Variants in ABCA3 observed in about 807,000 individuals in gnomAD.
The protein encoded by ABCA3 is ATP binding cassette subfamily A member 3.
ABCA3 carries 88 observed loss-of-function variants against 172.8 expected under a neutral mutation model. The observed-to-expected ratio is 0.51, with a 90% confidence interval of 0.43 to 0.61. ABCA3 has a LOEUF of 0.61. ABCA3 is among the 20% of genes least tolerant of loss of function. The pLI, the probability that ABCA3 is intolerant of heterozygous loss-of-function variation, is 0.00. For missense variants in ABCA3, 2,164 were observed against 2,301.0 expected (o/e 0.94, Z 1.22); for synonymous variants, 1,066 against 983.8 (o/e 1.08, Z -1.56).
intron 3 of ABCA3, among the ~76,000 whole-genome samples, chr16:2,327,714 CT>C (rs1284721837): frequency 5.9e-5 from 9 of 152,046 alleles, no homozygotes; most frequent in African/African-American, 2.2e-4. Flanking sequence ...TAGCCATTTT[CT>C]TTTTCTTTTT....
At position 2,279,409 on chromosome 16, in the gene ABCA3, G is replaced by A. The variant is rs1015315868; in HGVS notation, c.4360-279C>T. 2.0e-5 allele frequency among the ~76,000 whole-genome samples: 3 copies of A among 152,224 alleles called. No individual in the cohort carries two copies. Among genetic ancestry groups the A allele is most frequent in the African/African-American group, 7.2e-5 (3 of 41,462 alleles). ...AGGACAGGCAGCCATGGGGTTAGGT[G>A]GTGCAAGAATGGCCTTTACGTAGAA... On this transcript the variant is annotated intron_variant, in intron 28 of 32. Coordinates refer to ENST00000301732, the MANE Select transcript of ABCA3 (RefSeq NM_001089.3). The surrounding 1 kb of genome is among the most constrained non-coding windows in gnomAD (Gnocchi z 4.4).
In ABCA3 at chr16:2,310,400, C is replaced by A. The variant is rs528897331; in HGVS notation, c.1112-1777G>T. 1.1e-4 allele frequency among the ~76,000 whole-genome samples: 17 copies of A among 150,856 alleles called. No individual in the cohort carries two copies. The South Asian group carries it at 1.2e-3, about 11-fold the overall frequency. ...TCCATCCTAGCGACAGAGTGAGACT[C>A]TGTCTCAAAACAAACAAACAAACAA... On this transcript the variant is annotated intron_variant, in intron 10 of 32. Transcript: ENST00000301732.
In ABCA3 at chr16:2,281,789, A is replaced by C. The variant is rs1172685037; in HGVS notation, c.4036-280T>G. ...ATCATAAATCTGCTGGGGAATATAAAATAAGATTTTTAGACAATTTTTTTT... is the reference window on the plus strand; with the variant it reads ...ATCATAAATCTGCTGGGGAATATAACATAAGATTTTTAGACAATTTTTTTT... On this transcript the variant is annotated intron_variant, in intron 26 of 32. Transcript: ENST00000301732. The surrounding 1 kb of genome is among the most constrained non-coding windows in gnomAD (Gnocchi z 4.7). Among the ~76,000 whole-genome samples the C allele has an allele frequency of 6.6e-6, 1 of 152,132 alleles. No homozygotes were observed. Among genetic ancestry groups the C allele is most frequent in the Admixed American group, 6.5e-5 (1 of 15,274 alleles).
At chr16:2,338,165 C>G (rs139211485) in intron 1 of ABCA3, among the ~76,000 whole-genome samples, 2 of 152,168 alleles carry the variant, frequency 1.3e-5, no homozygotes, top group African/African-American at 4.8e-5. Context: ...GCAAGGACCT[C>G]GTTACACGGC....
rs2093662227 is a variant in ABCA3, at chr16:2,285,795, A to C, written c.3279-149T>G. 2 of 773,890 alleles carry C rather than the reference A, an allele frequency of 2.6e-6. No individual in the cohort carries two copies. The highest frequency in any genetic ancestry group is 4.4e-6 in the Non-Finnish European group (2 of 456,854). The allele number at this position is 773,890 out of a possible 1,614,324, so 47.9% of individuals were successfully genotyped here. A position where few individuals can be genotyped will look rare whatever the true frequency, so the allele number is the denominator to read the frequency against. ...GGGAGAGCACAAGCACCATGGTTCC[A>C]TACCGGGAACATCTGCCCCCACCGG... On this transcript the variant is annotated intron_variant, in intron 22 of 32. Coordinates refer to ENST00000301732, the MANE Select transcript of ABCA3 (RefSeq NM_001089.3). The surrounding 1 kb of genome is among the most constrained non-coding windows in gnomAD (Gnocchi z 4.7).
At chr16:2,336,205 T>C (rs374439086) in intron 1 of ABCA3, among the ~76,000 whole-genome samples, 1 of 152,176 alleles carries the variant, frequency 6.6e-6, no homozygotes, top group Non-Finnish European at 1.5e-5. Context: ...GTACTGTCTA[T>C]ATGAACATTT....
chr16:2,291,666 A>G (rs893397308), intron 19 of ABCA3, among the ~76,000 whole-genome samples: 7 of 152,164 alleles, frequency 4.6e-5, no homozygotes, highest in Non-Finnish European at 1.0e-4. Context: ...GACAGTCACA[A>G]TCTGCACTTG....
At chr16:2,338,284 T>C (rs1596875136) in intron 1 of ABCA3, among the ~76,000 whole-genome samples, 1 of 152,234 alleles carries the variant, frequency 6.6e-6, no homozygotes, top group African/African-American at 2.4e-5. Context: ...GGACAGGGCC[T>C]GACATGCCTC....
chr16:2,299,890 G>T, intron 13 of ABCA3, 115 bp downstream of exon 13: 1 of 1,482,464 alleles, frequency 6.7e-7, no homozygotes, highest in Non-Finnish European at 9.3e-7. Context: ...CAGGGCAGGA[G>T]GGAGCAAGGC....
At chr16:2,324,774 C>G (rs1395195129) in intron 5 of ABCA3, among the ~76,000 whole-genome samples, 2 of 152,150 alleles carry the variant, frequency 1.3e-5, no homozygotes, top group African/African-American at 4.8e-5. Context: ...TGGAGCAGAG[C>G]TGGAGGCTCC....
chr16:2,314,280 C>A (rs1406840348), intron 10 of ABCA3, among the ~76,000 whole-genome samples: 2 of 152,162 alleles, frequency 1.3e-5, no homozygotes, highest in African/African-American at 4.8e-5. Context: ...TATGGAATAT[C>A]ATCTAGCCTT....
Position 2,297,754 on chromosome 16 carries a change from C to T in ABCA3, c.2052+12G>A, listed in dbSNP as rs778094511. 3 of 1,609,578 alleles carry T rather than the reference C, an allele frequency of 1.9e-6. No homozygotes were observed. Among genetic ancestry groups the T allele is most frequent in the African/African-American group, 2.7e-5 (2 of 74,910 alleles). On this transcript the variant is annotated intron_variant, in intron 16 of 32. Coordinates refer to ENST00000301732, the MANE Select transcript of ABCA3 (RefSeq NM_001089.3). This position sits in a 1 kb window ranked among gnomAD's most constrained non-coding sequence, Gnocchi z 5.6. ...GGAGGGGAACCCACTGCCTCCAGTCCCACCGCCACACCTTGGAGCCTGCGA... is the reference window on the plus strand; with the variant it reads ...GGAGGGGAACCCACTGCCTCCAGTCTCACCGCCACACCTTGGAGCCTGCGA...
chr16:2,308,480 C>A lies in ABCA3; in HGVS notation c.1255G>T (p.Ala419Ser). The change falls in exon 11 of 33, where the codon GCC becomes TCC. Residue 419 changes from alanine (A) to serine (S), a missense_variant. Physicochemically the swap from Ala to Ser is moderately conservative, Grantham distance 99. Coordinates refer to ENST00000301732, the MANE Select transcript of ABCA3 (RefSeq NM_001089.3). ...GCCTCAAATTTCCCAATGAGCTGGG[C>A]TCCCATTGCCATGGCGACATTAGAC... ...LLSNVAMAMG[A>S]QLIGKFEAKG... 1.2e-6 allele frequency: 2 copies of A among 1,614,240 alleles called. No individual in the cohort carries two copies. The highest frequency in any genetic ancestry group is 1.7e-6 in the Non-Finnish European group (2 of 1,180,040).
Position 2,324,535 on chromosome 16 carries a change from C to A in ABCA3, c.320-4G>T, listed in dbSNP as rs775339831. ...TTCTCGGAGGGAAAGCCGCGCACTG[C>A]AAAGAGAGAGCACGGGAGCTGTGGT... On this transcript the variant is annotated splice_region_variant and splice_polypyrimidine_tract_variant and intron_variant, in intron 5 of 32. Transcript: ENST00000301732. The A allele has an allele frequency of 1.2e-6, 2 of 1,608,900 alleles. No homozygotes were observed. Among genetic ancestry groups the A allele is most frequent in the Non-Finnish European group, 8.5e-7 (1 of 1,179,906 alleles).
intron 11 of ABCA3, among the ~76,000 whole-genome samples, chr16:2,304,745 G>A (rs373855240): frequency 1.5e-4 from 22 of 149,908 alleles, no homozygotes; most frequent in Non-Finnish European, 2.5e-4. Flanking sequence ...GCACGATCTC[G>A]GCTCACTGCA....
intron 7 of ABCA3, among the ~76,000 whole-genome samples, chr16:2,323,144 G>A (rs1302188671): frequency 6.6e-6 from 1 of 152,208 alleles, no homozygotes; most frequent in African/African-American, 2.4e-5. Flanking sequence ...TCATTCAAAA[G>A]TCAGGAAACA....
At position 2,279,847 on chromosome 16, in the gene ABCA3, A is replaced by G. The variant is rs2141689556; in HGVS notation, c.4360-717T>C. 6.6e-6 allele frequency among the ~76,000 whole-genome samples: 1 copy of G among 152,024 alleles called. No homozygotes were observed. Among genetic ancestry groups the G allele is most frequent in the South Asian group, 2.1e-4 (1 of 4,814 alleles). The stretch of plus-strand genomic sequence containing the variant: ...CTACAACCTCTGCCTCCCAGGCTCA[A>G]GTGATTCTCATGCCTCAGGCTCCCG... On this transcript the variant is annotated intron_variant, in intron 28 of 32. Transcript: ENST00000301732. This position sits in a 1 kb window ranked among gnomAD's most constrained non-coding sequence, Gnocchi z 4.4.
Position 2,285,383 on chromosome 16 carries a change from C to T in ABCA3, c.3483+59G>A, listed in dbSNP as rs1596833162. ...GCTGGTTCCGGTTCTGCACAGGGGT[C>T]CCAGGGCAAGCCCTCTGCGGTCTGC... On this transcript the variant is annotated intron_variant, in intron 23 of 32. Coordinates refer to ENST00000301732, the MANE Select transcript of ABCA3 (RefSeq NM_001089.3). The surrounding 1 kb of genome is among the most constrained non-coding windows in gnomAD (Gnocchi z 4.7). 6.5e-7 allele frequency: 1 copy of T among 1,550,346 alleles called. No homozygotes were observed. The highest frequency in any genetic ancestry group is 1.2e-5 in the South Asian group (1 of 84,368).
chr16:2,315,515 ACCACTTACC>A (rs1285884453), intron 10 of ABCA3, among the ~76,000 whole-genome samples: 1 of 152,170 alleles, frequency 6.6e-6, no homozygotes, highest in African/African-American at 2.4e-5. Context: ...GAAAGCACTG[ACCACTTACC>A]AATGCCCACT....
Sources: gnomAD v4.1 joint callset for allele counts (sites outside exome capture counted in the v4.1 genomes callset) on GRCh38, gnomAD v4.1.1 for gene constraint, Gnocchi (gnomAD v3.1) non-coding constraint, MANE v1.5 for transcripts, NCBI Gene and HGNC (gene_info 2026-07-23, HGNC 2026-07-21) for gene names.